ZNF385D: variants seen among roughly 807,000 people sequenced by gnomAD.
ZNF385D encodes the protein zinc finger protein 659.
In ZNF385D, 15 loss-of-function variants were observed where a neutral mutation model predicts 35.8. The observed-to-expected ratio is 0.42, with a 90% CI of 0.28 to 0.64. The LOEUF (loss-of-function observed/expected upper bound fraction) is 0.64. ZNF385D is among the 30% of genes least tolerant of loss of function. ZNF385D has a pLI of 0.23. For synonymous variants in ZNF385D, 212 were observed against 186.8 expected, an observed-to-expected ratio of 1.13 and a Z score of -1.10; for missense variants, 474 against 494.6, an observed-to-expected ratio of 0.96 and a Z score of 0.39.
At chr3:22,064,056 C>T (rs903193059) in intron 3 of ZNF385D, among the ~76,000 whole-genome samples, 1 of 152,188 alleles carries the variant, frequency 6.6e-6, no homozygotes, top group Non-Finnish European at 1.5e-5. Context: ...TATTGTAGTG[C>T]ACCTCATGCT....
At chr3:22,298,491 AATAT>A (rs1008966818) in intron 2 of ZNF385D, among the ~76,000 whole-genome samples, 10 of 146,640 alleles carry the variant, frequency 6.8e-5, no homozygotes, top group Non-Finnish European at 1.2e-4. Context: ...ATTTATATAT[AATAT>A]ATAAATATAC....
chr3:21,800,524 G>C (rs1404505932), intron 3 of ZNF385D, among the ~76,000 whole-genome samples: 1 of 152,154 alleles, frequency 6.6e-6, no homozygotes, highest in Non-Finnish European at 1.5e-5. Context: ...TGTAGTCTCA[G>C]CCACTACGGA....
intron 3 of ZNF385D, among the ~76,000 whole-genome samples, chr3:21,770,061 C>A (rs2071009452): frequency 1.3e-5 from 2 of 152,142 alleles, no homozygotes; most frequent in South Asian, 4.1e-4. Flanking sequence ...TGGATCCCTT[C>A]CTTATACCTT....
In ZNF385D at chr3:22,238,635, T is replaced by G. The variant is rs546076963; in HGVS notation, c.107-69600A>C. Among the ~76,000 whole-genome samples, 14 of 151,274 alleles carry G rather than the reference T, an allele frequency of 9.3e-5. 3 individuals are homozygous for G. The highest frequency in any genetic ancestry group is 3.4e-4 in the African/African-American group (14 of 40,996). ...CAGTTGATTTTTATCTATTGATCTT[T>G]TATCCTTCAATCTTACAGAACTCAT... On this transcript the variant is annotated intron_variant, in intron 2 of 5. Coordinates refer to the ZNF385D transcript ENST00000494108.
intron 1 of ZNF385D, among the ~76,000 whole-genome samples, chr3:21,683,443 T>A (rs563441686): frequency 2.7e-5 from 4 of 149,420 alleles, no homozygotes; most frequent in Admixed American, 1.3e-4. Flanking sequence ...ACTGTGAAAC[T>A]CCGTCTCTAC....
intron 3 of ZNF385D, among the ~76,000 whole-genome samples, chr3:22,147,165 T>A (rs181008558): frequency 1.3e-5 from 2 of 152,172 alleles, no homozygotes; most frequent in African/African-American, 4.8e-5. Context: ...AGCCATGGTG[T>A]TAGAATCAAA....
chr3:21,930,431 A>G (rs1392294537), intron 3 of ZNF385D, among the ~76,000 whole-genome samples: 2 of 152,128 alleles, frequency 1.3e-5, no homozygotes, highest in South Asian at 2.1e-4. Context: ...ATAAAGAAAT[A>G]GATACTCTGG....
At chr3:21,588,611 T>G (rs992945987) in intron 2 of ZNF385D, among the ~76,000 whole-genome samples, 1 of 152,032 alleles carries the variant, frequency 6.6e-6, no homozygotes, top group African/African-American at 2.4e-5. Context: ...TAAAAATAAT[T>G]TTTAAAAGTC....
At chr3:21,557,523 C>A (rs748010902) in intron 3 of ZNF385D, among the ~76,000 whole-genome samples, 1 of 152,108 alleles carries the variant, frequency 6.6e-6, no homozygotes, top group African/African-American at 2.4e-5. Context: ...CTGACTTGAT[C>A]GTGGTGGATA....
intron 3 of ZNF385D, among the ~76,000 whole-genome samples, chr3:21,807,020 TTCATA>T (rs1165453933): frequency 6.6e-6 from 1 of 152,184 alleles, no homozygotes; most frequent in Non-Finnish European, 1.5e-5. Context: ...TCCAGTTCAT[TTCATA>T]TTTCACACTA....
chr3:22,176,531 A>T (rs1694842362), intron 2 of ZNF385D, among the ~76,000 whole-genome samples: 1 of 152,198 alleles, frequency 6.6e-6, no homozygotes, highest in Non-Finnish European at 1.5e-5. Context: ...GCATCACATT[A>T]AATTTGTTGG....
chr3:21,513,247 A>C (rs1707341530), intron 3 of ZNF385D, among the ~76,000 whole-genome samples: 1 of 152,156 alleles, frequency 6.6e-6, no homozygotes. Flanking sequence ...ACAAACCCAA[A>C]TACCAAACAA....
At chr3:21,784,049 G>T (rs2071593094) in intron 3 of ZNF385D, among the ~76,000 whole-genome samples, 1 of 152,022 alleles carries the variant, frequency 6.6e-6, no homozygotes, top group South Asian at 2.1e-4. Context: ...GACTAATTCA[G>T]CAGGCAGTCA....
chr3:21,486,411 G>A (rs569100363), intron 4 of ZNF385D, among the ~76,000 whole-genome samples: 21 of 152,038 alleles, frequency 1.4e-4, no homozygotes, highest in Admixed American at 1.2e-3. Flanking sequence ...ACCTGATAAA[G>A]GCTCACATCA....
chr3:21,574,756 A>G (rs1575223730), intron 2 of ZNF385D, among the ~76,000 whole-genome samples: 1 of 152,154 alleles, frequency 6.6e-6, no homozygotes, highest in South Asian at 2.1e-4. Context: ...GGATTTTTAG[A>G]TTTTCATTAT....
intron 1 of ZNF385D, among the ~76,000 whole-genome samples, chr3:21,749,937 A>T (rs1157183439): frequency 7.1e-6 from 1 of 140,878 alleles, no homozygotes; most frequent in Non-Finnish European, 1.6e-5. Flanking sequence ...CAAACCAAGA[A>T]ATCAGAGCAT....
intron 2 of ZNF385D, among the ~76,000 whole-genome samples, chr3:21,606,356 A>G (rs1404604732): frequency 3.9e-5 from 6 of 152,158 alleles, no homozygotes; most frequent in African/African-American, 1.4e-4. Context: ...TAACCCATTT[A>G]TTAACTCTCC....
At chr3:21,473,616 C>T (rs973306470) in intron 4 of ZNF385D, among the ~76,000 whole-genome samples, 5 of 152,040 alleles carry the variant, frequency 3.3e-5, no homozygotes, top group African/African-American at 1.2e-4. Context: ...TTTAACCTGT[C>T]TACTAAAACA....
At chr3:21,802,520 G>T (rs1257566044) in intron 3 of ZNF385D, among the ~76,000 whole-genome samples, 2 of 151,700 alleles carry the variant, frequency 1.3e-5, no homozygotes, top group African/African-American at 4.8e-5. Context: ...TTGCAGAAAA[G>T]AAATTTCATT....
Sources: gnomAD v4.1 joint callset for allele counts (sites outside exome capture counted in the v4.1 genomes callset) on GRCh38, gnomAD v4.1.1 for gene constraint, MANE v1.5 for transcripts, NCBI Gene and HGNC (gene_info 2026-07-23, HGNC 2026-07-21) for gene names.